The following PTPRN2 variants were observed in gnomAD, a reference collection of about 807,000 sequenced individuals.
The protein encoded by PTPRN2 is receptor-type tyrosine-protein phosphatase N2.
A neutral mutation model predicts 118.8 loss-of-function variants in PTPRN2; 74 were observed. That is an observed-to-expected ratio of 0.62 (90% CI 0.52 to 0.76). The LOEUF is 0.76. Ranked by LOEUF, PTPRN2 falls within the 30% of genes least tolerant of loss-of-function variation. The pLI, the probability that PTPRN2 is intolerant of heterozygous loss-of-function variation, is 0.00. For missense variants in PTPRN2, 1,481 were observed against 1,394.4 expected (o/e 1.06, Z -0.99); for synonymous variants, 641 against 608.0 (o/e 1.05, Z -0.80).
At chr7:158,067,566 C>T (rs80199992) in intron 11 of PTPRN2, among the ~76,000 whole-genome samples, 1,991 of 152,310 alleles carry the variant, frequency 0.013, 28 homozygotes, top group East Asian at 0.076. Flanking sequence ...TGCAGAACTG[C>T]TGTTCTACAA....
chr7:158,040,236 C>G (rs1315176841), intron 11 of PTPRN2, among the ~76,000 whole-genome samples: 1 of 152,008 alleles, frequency 6.6e-6, no homozygotes, highest in Non-Finnish European at 1.5e-5. Context: ...AAAATTAATG[C>G]CAGACACCAA....
At chr7:157,750,176 CTTG>C (rs995085671) in intron 12 of PTPRN2, among the ~76,000 whole-genome samples, 10 of 152,032 alleles carry the variant, frequency 6.6e-5, no homozygotes, top group African/African-American at 1.2e-4. Context: ...TGGTTGGTTG[CTTG>C]TTGTTCATAA....
intron 1 of PTPRN2, among the ~76,000 whole-genome samples, chr7:158,518,042 C>T (rs7791428): frequency 4.6e-5 from 7 of 152,204 alleles, no homozygotes; most frequent in African/African-American, 1.7e-4. Flanking sequence ...GCCCAGCTCT[C>T]GCCAACTGCA....
intron 2 of PTPRN2, among the ~76,000 whole-genome samples, chr7:158,366,863 C>T (rs1024279737): frequency 6.6e-6 from 1 of 152,072 alleles, no homozygotes; most frequent in African/African-American, 2.4e-5. Context: ...TGAAAATGAC[C>T]GAAGACGTCA....
At chr7:158,278,271 C>T (rs1310683514) in intron 3 of PTPRN2, among the ~76,000 whole-genome samples, 1 of 152,036 alleles carries the variant, frequency 6.6e-6, no homozygotes, top group Non-Finnish European at 1.5e-5. Context: ...GACCTCTGAC[C>T]CCAGGGAGGA....
chr7:158,506,788 G>T (rs1010426976), intron 1 of PTPRN2, among the ~76,000 whole-genome samples: 1 of 151,992 alleles, frequency 6.6e-6, no homozygotes, highest in African/African-American at 2.4e-5. Flanking sequence ...CGAAGGCCTG[G>T]GTGTCTCCTC....
At chr7:158,071,729 C>A (rs1243059904) in intron 11 of PTPRN2, among the ~76,000 whole-genome samples, 1 of 98,134 alleles carries the variant, frequency 1.0e-5, no homozygotes, top group African/African-American at 6.9e-5. Context: ...TGGAGGTGCT[C>A]GTGGTGGTGG....
intron 12 of PTPRN2, among the ~76,000 whole-genome samples, chr7:157,708,348 G>A (rs1370365181): frequency 1.3e-5 from 2 of 152,192 alleles, no homozygotes; most frequent in Non-Finnish European, 2.9e-5. Flanking sequence ...CTCTCTGCTT[G>A]TGCAAGCATC....
rs973384297 is a variant in PTPRN2, at chr7:158,509,412, C to T, written c.113-19627G>A. ...CAGGCAGCACATCTAAAGGCCTCTC[C>T]AAGCCATGCACCCACCCTGCAGGAA... On this transcript the variant is annotated intron_variant, in intron 1 of 22. Coordinates refer to ENST00000389418, the MANE Select transcript of PTPRN2 (RefSeq NM_002847.5). This position sits in a 1 kb window ranked among gnomAD's most constrained non-coding sequence, Gnocchi z 4.4. Among the ~76,000 whole-genome samples the T allele has an allele frequency of 4.6e-5, 7 of 152,218 alleles. No individual in the cohort carries two copies. Among genetic ancestry groups the T allele is most frequent in the African/African-American group, 1.7e-4 (7 of 41,450 alleles).
At chr7:157,730,483 G>A (rs1365089617) in intron 12 of PTPRN2, among the ~76,000 whole-genome samples, 1 of 152,202 alleles carries the variant, frequency 6.6e-6, no homozygotes, top group Non-Finnish European at 1.5e-5. Flanking sequence ...CCTGGCCGAG[G>A]TGGTGCCCCA....
chr7:158,126,092 C>A, intron 9 of PTPRN2, among the ~76,000 whole-genome samples: 1 of 128,038 alleles, frequency 7.8e-6, no homozygotes, highest in Non-Finnish European at 1.6e-5. Flanking sequence ...CTCCGCCACA[C>A]CAGCCCCCAG....
intron 1 of PTPRN2, among the ~76,000 whole-genome samples, chr7:158,575,810 T>A (rs1402506583): frequency 2.6e-5 from 4 of 152,188 alleles, no homozygotes. Context: ...GAGAACTACA[T>A]CTTACTTCCC....
At chr7:158,063,405 G>A (rs978505908) in intron 11 of PTPRN2, among the ~76,000 whole-genome samples, 1 of 152,272 alleles carries the variant, frequency 6.6e-6, no homozygotes, top group Admixed American at 6.5e-5. Context: ...AGACCAATCA[G>A]CTCTCTGTAA....
chr7:158,105,886 C>G (rs1301814907), intron 10 of PTPRN2, among the ~76,000 whole-genome samples: 1 of 151,748 alleles, frequency 6.6e-6, no homozygotes, highest in Non-Finnish European at 1.5e-5. Flanking sequence ...CTCCATACTA[C>G]TCTATACCCG....
chr7:158,171,332 TATATATATATATATATAC>T (rs1563555881), intron 5 of PTPRN2, among the ~76,000 whole-genome samples: 10 of 122,808 alleles, frequency 8.1e-5, no homozygotes, highest in African/African-American at 3.0e-4. Context: ...TATATATATA[TATATATATATATATATAC>T]ACACACACAT....
chr7:157,758,394 C>G (rs1175933765), intron 12 of PTPRN2, among the ~76,000 whole-genome samples: 2 of 152,220 alleles, frequency 1.3e-5, no homozygotes, highest in East Asian at 3.9e-4. Flanking sequence ...AGGGCAAGAC[C>G]GGCTCAGAGG....
At chr7:157,688,099 C>A (rs1028244574) in intron 12 of PTPRN2, among the ~76,000 whole-genome samples, 3 of 152,016 alleles carry the variant, frequency 2.0e-5, no homozygotes, top group Non-Finnish European at 2.9e-5. Context: ...GGCCAAAAAA[C>A]CCAAAAAAGC....
At chr7:158,507,215 CT>C (rs2129446758) in intron 1 of PTPRN2, among the ~76,000 whole-genome samples, 1 of 152,198 alleles carries the variant, frequency 6.6e-6, no homozygotes, top group African/African-American at 2.4e-5. Flanking sequence ...CAGCCCTGCA[CT>C]AGGCAGGAAA....
intron 9 of PTPRN2, among the ~76,000 whole-genome samples, chr7:158,130,998 C>T (rs118199070): frequency 2.0e-5 from 3 of 150,376 alleles, no homozygotes; most frequent in Admixed American, 6.6e-5. Context: ...ATGCAGAAAT[C>T]GACACACTAC....
Sources: allele counts gnomAD v4.1 joint callset (sites outside exome capture counted in the v4.1 genomes callset), GRCh38; gene constraint gnomAD v4.1.1; non-coding constraint Gnocchi (gnomAD v3.1); transcripts MANE v1.5; gene names NCBI Gene and HGNC (gene_info 2026-07-23, HGNC 2026-07-21).